Variants in PHF12 observed in about 807,000 individuals in gnomAD.
The protein encoded by PHF12 is PHD factor 1.
In PHF12, 6 loss-of-function variants were observed where a neutral mutation model predicts 99.8. The observed-to-expected ratio is 0.06, with a 90% CI of 0.03 to 0.12. The LOEUF (loss-of-function observed/expected upper bound fraction) is 0.12. Among genes scored for constraint, PHF12 ranks in the 10% least tolerant of loss-of-function variants. The pLI is 1.00. For synonymous variants in PHF12, 480 were observed against 514.9 expected, an observed-to-expected ratio of 0.93 and a Z score of 0.92; for missense variants, 954 against 1,300.1, an observed-to-expected ratio of 0.73 and a Z score of 4.09.
In PHF12 at chr17:28,911,250, C is replaced by T; in HGVS notation, c.2090-13G>A. ...CTGACCTTGCCATCTGGGGACGGAG[C>T]AGGAAGACTGTTACTTACGTCGCCT... On this transcript the variant is annotated splice_polypyrimidine_tract_variant and intron_variant, in intron 9 of 14. Transcript: ENST00000332830. 6.2e-7 allele frequency: 1 copy of T among 1,613,898 alleles called. No individual in the cohort carries two copies. Among genetic ancestry groups the T allele is most frequent in the African/African-American group, 1.3e-5 (1 of 75,042 alleles).
chr17:28,934,828 T>C (rs1279930294), intron 2 of PHF12, among the ~76,000 whole-genome samples: 1 of 152,218 alleles, frequency 6.6e-6, no homozygotes, highest in Non-Finnish European at 1.5e-5. Flanking sequence ...CTCGAACTCC[T>C]GACCTAAGGT....
At chr17:28,930,657 T>C (rs1243163811) in intron 2 of PHF12, among the ~76,000 whole-genome samples, 1 of 152,224 alleles carries the variant, frequency 6.6e-6, no homozygotes, top group Non-Finnish European at 1.5e-5. Context: ...TTTAAACAAT[T>C]TGATTTTCAA....
At position 28,923,998 on chromosome 17, in the gene PHF12, G is replaced by T. The variant is rs1201940298; in HGVS notation, c.626C>A (p.Pro209His). 2 of 1,614,118 alleles carry T rather than the reference G, an allele frequency of 1.2e-6. No homozygotes were observed. Among genetic ancestry groups the T allele is most frequent in the South Asian group, 1.1e-5 (1 of 91,074 alleles). The change falls in exon 4 of 15, where the codon CCC (proline) becomes CAC (histidine). Residue 209 changes from proline to histidine, a missense_variant. Physicochemically the swap from Pro to His is moderately conservative, Grantham distance 77. Coordinates refer to ENST00000332830, the MANE Select transcript of PHF12 (RefSeq NM_001033561.2). ...GGCGGCAGCAATCAGCAGCTCAAAG[G>T]GCCGCCTCAGCTGGGGCTGCACATA... Reference protein sequence around the residue: ...PDYVQPQLRRPFELLIAAAME... With the variant: ...PDYVQPQLRRHFELLIAAAME...
Position 28,927,005 on chromosome 17 carries a change from T to C in PHF12, c.307A>G (p.Thr103Ala), listed in dbSNP as rs781198610. The C allele has an allele frequency of 5.0e-6, 8 of 1,613,954 alleles. No homozygotes were observed. In the African/African-American group the frequency reaches 5.3e-5, roughly 11 times the overall value. Residue 103 changes from threonine to alanine, a missense_variant, in exon 3 of 15, where the codon ACT (threonine) becomes GCT (alanine). By Grantham distance (58) the Thr-to-Ala change is moderately conservative. Coordinates refer to ENST00000332830, the MANE Select transcript of PHF12 (RefSeq NM_001033561.2). ...AGCATTATTACCTTTCGGCGAACAG[T>C]GCACCGGTGACACATCCACTCTCCA... ...PPGEWMCHRC[T>A]VRRKKREQKK...
chr17:28,913,739 TG>T, intron 8 of PHF12, 139 bp downstream of exon 8: 1 of 1,235,312 alleles, frequency 8.1e-7, no homozygotes, highest in Non-Finnish European at 1.1e-6. Flanking sequence ...AAGTTCCCCC[TG>T]GAATACTCAA....
In PHF12 at chr17:28,950,736, G is replaced by T; in HGVS notation, c.66+159C>A. The T allele has an allele frequency of 9.4e-7, 1 of 1,059,822 alleles. No individual in the cohort carries two copies. Among genetic ancestry groups the T allele is most frequent in the Non-Finnish European group, 1.3e-6 (1 of 773,994 alleles). The allele number at this position is 1,059,822 out of a possible 1,614,324, so 65.7% of individuals were successfully genotyped here. On this transcript the variant is annotated intron_variant, in intron 1 of 14. Coordinates refer to ENST00000332830, the MANE Select transcript of PHF12 (RefSeq NM_001033561.2). The surrounding 1 kb of genome is among the most constrained non-coding windows in gnomAD (Gnocchi z 5.7). ...CAAACGTCCTCGGAGGCTGAGCTCA[G>T]CCCCCTAAATTGCAAAGAGGGGAGG...
Position 28,926,994 on chromosome 17 carries a change from T to A in PHF12, c.318A>T (p.Arg106=). ...CTTCAGAAAGCAGCATTATTACCTT[T>A]CGGCGAACAGTGCACCGGTGACACA... ...EWMCHRCTVR[R]KKREQKKELG... Residue 106 remains arginine, a synonymous_variant, in exon 3 of 15, where the codon CGA becomes CGT. Transcript: ENST00000332830. The A allele has an allele frequency of 6.2e-7, 1 of 1,614,012 alleles. No homozygotes were observed. The highest frequency in any genetic ancestry group is 8.5e-7 in the Non-Finnish European group (1 of 1,179,884).
chr17:28,938,225 GAGC>G (rs1328846179), intron 2 of PHF12, among the ~76,000 whole-genome samples: 1 of 152,096 alleles, frequency 6.6e-6, no homozygotes, highest in East Asian at 1.9e-4. Flanking sequence ...AAAATCAAGA[GAGC>G]AGGTTTCTTT....
rs1491183033 is a variant in PHF12, at chr17:28,923,651, C to CAAAAAAAAAAAAAAAAAAAAAA, written c.715+257_715+258insTTTTTTTTTTTTTTTTTTTTTT. 2.7e-3 allele frequency among the ~76,000 whole-genome samples: 60 copies of CAAAAAAAAAAAAAAAAAAAAAA among 21,954 alleles called. 6 individuals carry two copies. The highest frequency in any genetic ancestry group is 0.025 in the Middle Eastern group (1 of 40). 14.4% of individuals were successfully genotyped at this position (21,954 alleles called of 152,430 possible). ...CTAGCCTGAGTGACAAAGTGAGACT[C>CAAAAAAAAAAAAAAAAAAAAAA]ACAAAAAAAAAAAAAAAAAAAAAAG... is the stretch of plus-strand genomic sequence containing the variant. On this transcript the variant is annotated intron_variant, in intron 4 of 14. Coordinates refer to ENST00000332830, the MANE Select transcript of PHF12 (RefSeq NM_001033561.2).
chr17:28,919,553 A>G (rs2040123516), intron 5 of PHF12, among the ~76,000 whole-genome samples: 1 of 152,224 alleles, frequency 6.6e-6, no homozygotes, highest in Admixed American at 6.5e-5. Flanking sequence ...AGCCTGACCA[A>G]CATGGTGAAA....
chr17:28,944,653 G>C, intron 2 of PHF12: 1 of 273,322 alleles, frequency 3.7e-6, no homozygotes, highest in Non-Finnish European at 5.6e-6. Context: ...TCTCAAAAAA[G>C]AAAAAAAACA....
intron 2 of PHF12, among the ~76,000 whole-genome samples, chr17:28,945,796 G>GATA (rs1323250689): frequency 2.0e-5 from 3 of 152,192 alleles, no homozygotes; most frequent in African/African-American, 7.2e-5. Flanking sequence ...CTCATGGCAT[G>GATA]ATAATTATGA....
chr17:28,940,721 T>C (rs1007432020), intron 2 of PHF12, among the ~76,000 whole-genome samples: 2 of 152,252 alleles, frequency 1.3e-5, no homozygotes, highest in African/African-American at 2.4e-5. Flanking sequence ...ATTCTCATTC[T>C]TCTTAACTGC....
chr17:28,911,290 G>A (rs1170153850), intron 9 of PHF12, 53 bp from the exon 10 acceptor site: 6 of 1,606,674 alleles, frequency 3.7e-6, no homozygotes, highest in East Asian at 4.5e-5. Context: ...GAAACCCACC[G>A]TCCAATCCCC....
chr17:28,934,361 T>C (rs189063066), intron 2 of PHF12, among the ~76,000 whole-genome samples: 1 of 152,336 alleles, frequency 6.6e-6, no homozygotes, highest in East Asian at 1.9e-4. Context: ...CCTACTCTTT[T>C]CATAATTCAG....
chr17:28,923,298 C>T (rs1181591632), intron 4 of PHF12, among the ~76,000 whole-genome samples: 2 of 151,740 alleles, frequency 1.3e-5, no homozygotes, highest in Admixed American at 1.3e-4. Flanking sequence ...GGGAAATTTT[C>T]ATTGTAGCCC....
chr17:28,925,241 T>C (rs1159891835), intron 3 of PHF12: 1 of 152,222 alleles, frequency 6.6e-6, no homozygotes, highest in Non-Finnish European at 1.5e-5. Flanking sequence ...CTCAGGCTGG[T>C]GGGCAGGAAT....
Position 28,911,838 on chromosome 17 carries a change from C to T in PHF12, c.2090-601G>A, listed in dbSNP as rs146045504. 1.7e-3 allele frequency among the ~76,000 whole-genome samples: 261 copies of T among 152,296 alleles called. 1 individual carries two copies. Among genetic ancestry groups the T allele is most frequent in the African/African-American group, 6.1e-3 (254 of 41,554 alleles). ...GTCAGCAACTTCAAGGTCCTGAGTG[C>T]TCTCTGGGGACAGCTGAGAGAGCAG... On this transcript the variant is annotated intron_variant, in intron 9 of 14. Transcript: ENST00000332830.
Position 28,917,322 on chromosome 17 carries a change from C to T in PHF12, c.1097G>A (p.Arg366Gln), listed in dbSNP as rs373423538. Residue 366 changes from arginine (R) to glutamine (Q), a missense_variant, in exon 7 of 15, where the codon CGG becomes CAG. By Grantham distance (43) the Arg-to-Gln change is conservative. Transcript: ENST00000332830. ...NRIHKKHPPN[R>Q]RVLQSVKRRS... The stretch of plus-strand genomic sequence containing the variant: ...TCTTTTGACCGACTGGAGCACACGC[C>T]GGTTAGGGGGGTGCTTCTTGTGGAT... The T allele has an allele frequency of 3.7e-6, 6 of 1,614,074 alleles. No homozygotes were observed. Among genetic ancestry groups the T allele is most frequent in the Middle Eastern group, 1.7e-4 (1 of 6,020 alleles).
Sources: gnomAD v4.1 joint callset for allele counts (sites outside exome capture counted in the v4.1 genomes callset) on GRCh38, gnomAD v4.1.1 for gene constraint, Gnocchi (gnomAD v3.1) non-coding constraint, MANE v1.5 for transcripts, NCBI Gene and HGNC (gene_info 2026-07-23, HGNC 2026-07-21) for gene names.